ACACB: variants seen among roughly 807,000 people sequenced by gnomAD.
The protein encoded by ACACB is acetyl-CoA carboxylase beta, also known as acetyl-CoA carboxylase 2.
Under a neutral mutation model 278.8 loss-of-function variants are expected in ACACB, and 209 were observed. That is an observed-to-expected ratio of 0.75 (90% CI 0.67 to 0.84). ACACB has a LOEUF of 0.84. ACACB is among the 40% of genes least tolerant of loss of function. The probability of loss-of-function intolerance (pLI) is 0.00; values close to 1 mark genes in which losing one functional copy is unlikely to be tolerated. For missense variants in ACACB, 2,850 were observed against 3,269.0 expected, an observed-to-expected ratio of 0.87 and a Z score of 3.13; for synonymous variants, 1,174 against 1,285.6, an observed-to-expected ratio of 0.91 and a Z score of 1.86.
At chr12:109,116,228 C>T (rs1056388064), upstream of ACACB, among the ~76,000 whole-genome samples, 5 of 152,196 alleles carry the variant, frequency 3.3e-5, no homozygotes, top group Non-Finnish European at 5.9e-5. Context: ...TGATAGCGAT[C>T]ACCTTCCCAT....
In ACACB at chr12:109,265,526, G is replaced by A. The variant is rs149236953; in HGVS notation, c.7250+1G>A. 1.2e-6 allele frequency: 2 copies of A among 1,613,110 alleles called. No homozygotes were observed. The highest frequency in any genetic ancestry group is 1.7e-6 in the Non-Finnish European group (2 of 1,179,700). On this transcript the variant is annotated splice_donor_variant, in intron 52 of 52. Transcript: ENST00000338432. LOFTEE classifies it high-confidence loss of function. ...ACTCTGTCCTCAAGACCATCCGAGGGTGAGTGGCCACCGCACCTGCTTCCC... is the reference window on the plus strand; with the variant it reads ...ACTCTGTCCTCAAGACCATCCGAGGATGAGTGGCCACCGCACCTGCTTCCC...
Position 109,233,995 on chromosome 12 carries a change from C to T in ACACB, c.4297C>T (p.Leu1433=). 2 of 1,614,112 alleles carry T rather than the reference C, an allele frequency of 1.2e-6. No individual in the cohort carries two copies. Among genetic ancestry groups the T allele is most frequent in the Non-Finnish European group, 1.7e-6 (2 of 1,180,008 alleles). The change falls in exon 31 of 53, where the codon CTG becomes TTG. Residue 1433 remains leucine (L), a synonymous_variant. Transcript: ENST00000338432. ...TGTGTCCATCCAGTGTGCAGACCAC[C>T]TGGAGGATGAGGCACTGGTGCCGAT... The part of the protein sequence containing the change: ...LNVSIQCADH[L]EDEALVPILR...
intron 47 of ACACB, 55 bp downstream of exon 47, chr12:109,259,163 A>G: frequency 6.3e-7 from 1 of 1,591,276 alleles, no homozygotes; most frequent in Non-Finnish European, 8.6e-7. Context: ...CACCCAGGAC[A>G]GCACCCTCTG....
At chr12:109,254,398 GGAGCAC>G in intron 44 of ACACB, 64 bp downstream of exon 44, 1 of 1,492,024 alleles carries the variant, frequency 6.7e-7, no homozygotes, top group Non-Finnish European at 8.9e-7. Context: ...TTGAGACAAA[GGAGCAC>G]TTTGTCTCAA....
chr12:109,130,193 C>CA lies in ACACB; in HGVS notation c.-9-9202dup, dbSNP rs1411052876. Reference sequence around the variant, plus strand: ...GCTGATGGCTCAGATGTGTACAGCCCAACTGCATCCAGCACTGCACTCAGT... The same window carrying CA: ...GCTGATGGCTCAGATGTGTACAGCCCAAACTGCATCCAGCACTGCACTCAGT... On this transcript the variant is annotated intron_variant, in intron 1 of 52. Transcript: ENST00000338432. Among the ~76,000 whole-genome samples the CA allele has an allele frequency of 4.6e-5, 7 of 152,222 alleles. No individual in the cohort carries two copies. The South Asian group carries it at 8.3e-4, about 18-fold the overall frequency.
At chr12:109,194,510 GCA>G (rs1491209958) in intron 16 of ACACB, among the ~76,000 whole-genome samples, 16,370 of 110,844 alleles carry the variant, frequency 0.15, 1,282 homozygotes, top group Middle Eastern at 0.2. Context: ...CTCTGTGTGT[GCA>G]TGTGTGTGTG....
upstream of ACACB, among the ~76,000 whole-genome samples, chr12:109,114,813 C>CT (rs561825815): frequency 8.5e-5 from 13 of 152,136 alleles, no homozygotes; most frequent in East Asian, 7.7e-4. Context: ...GATCATGCCA[C>CT]TGCACTCCAT....
At chr12:109,240,013 C>T (rs377320174) in intron 35 of ACACB, 28 bp downstream of exon 35, 76 of 1,606,358 alleles carry the variant, frequency 4.7e-5, no homozygotes, top group Non-Finnish European at 5.7e-5. Flanking sequence ...GGGCTCTCAC[C>T]GGGCTCTGGG....
In ACACB at chr12:109,180,570, T is replaced by A. The variant is rs377749129; in HGVS notation, c.1818+483T>A. On this transcript the variant is annotated intron_variant, in intron 11 of 52. Transcript: ENST00000338432. ...TGGGTTAAAGGGAACTCTAAATTTT[T>A]TTTTTATTTTTAATTTTGATGGGTA... 1.5e-3 allele frequency among the ~76,000 whole-genome samples: 230 copies of A among 152,302 alleles called. 1 individual carries two copies. The highest frequency in any genetic ancestry group is 3.9e-3 in the South Asian group (19 of 4,834).
intron 19 of ACACB, among the ~76,000 whole-genome samples, 168 bp downstream of exon 19, chr12:109,201,869 C>T (rs748912845): frequency 5.3e-5 from 8 of 152,140 alleles, no homozygotes; most frequent in South Asian, 4.2e-4. Context: ...ACAAGGAAGC[C>T]GCGCCCTGCT....
intron 28 of ACACB, among the ~76,000 whole-genome samples, chr12:109,231,570 G>C (rs991364296): frequency 6.6e-6 from 1 of 152,116 alleles, no homozygotes; most frequent in African/African-American, 2.4e-5. Context: ...ACCTGTGTCA[G>C]GGTCCCCAAA....
rs113442685 is a variant in ACACB, at chr12:109,198,822, C to T, written c.2628-580C>T. Among the ~76,000 whole-genome samples the T allele has an allele frequency of 6.7e-3, 1,010 of 151,804 alleles. 14 individuals are homozygous for T. The highest frequency in any genetic ancestry group is 0.023 in the African/African-American group (937 of 41,358). ...TTTATTTTTTGTAGAGGCAGGGTCTCACTGTGTTGCCCAAGCTTGTCTTGA... is the reference window on the plus strand; with the variant it reads ...TTTATTTTTTGTAGAGGCAGGGTCTTACTGTGTTGCCCAAGCTTGTCTTGA... On this transcript the variant is annotated intron_variant, in intron 17 of 52. Transcript: ENST00000338432.
intron 11 of ACACB, among the ~76,000 whole-genome samples, chr12:109,183,606 T>G (rs908351444): frequency 6.6e-6 from 1 of 152,178 alleles, no homozygotes; most frequent in Non-Finnish European, 1.5e-5. Context: ...CATATAGAAA[T>G]GCTACTGATT....
intron 11 of ACACB, among the ~76,000 whole-genome samples, 177 bp downstream of exon 11, chr12:109,180,264 A>T (rs1281922117): frequency 6.6e-6 from 1 of 152,242 alleles, no homozygotes; most frequent in African/African-American, 2.4e-5. Context: ...AATATCTTTT[A>T]TACAATTTCA....
At chr12:109,210,002 T>C (rs2045665857) in intron 21 of ACACB, among the ~76,000 whole-genome samples, 1 of 120,048 alleles carries the variant, frequency 8.3e-6, no homozygotes, top group East Asian at 2.6e-4. Flanking sequence ...TATATGTGTA[T>C]ATGTGTATAT....
chr12:109,225,565 C>A (rs2046290187), intron 27 of ACACB, among the ~76,000 whole-genome samples: 1 of 152,198 alleles, frequency 6.6e-6, no homozygotes, highest in Admixed American at 6.5e-5. Context: ...GGAACCTTCC[C>A]CAAATTCAAG....
Position 109,260,573 on chromosome 12 carries a change from C to T in ACACB, c.6590C>T (p.Ala2197Val), listed in dbSNP as rs143111072. The change falls in exon 48 of 53, where the codon GCG becomes GTG. Residue 2197 changes from alanine to valine, a missense_variant. By Grantham distance (64) the Ala-to-Val change is moderately conservative. Transcript: ENST00000338432. The part of the protein sequence containing the change: ...QPILIYIPPY[A>V]ELRGGSWVVI... ...ATCCTGATCTATATCCCGCCCTATG[C>T]GGAGCTCCGGGGAGGCTCCTGGGTG... The T allele has an allele frequency of 1.6e-5, 26 of 1,613,706 alleles. No individual in the cohort carries two copies. The highest frequency in any genetic ancestry group is 6.7e-5 in the African/African-American group (5 of 74,914).
At chr12:109,180,409 G>A (rs2044426342) in intron 11 of ACACB, among the ~76,000 whole-genome samples, 1 of 152,028 alleles carries the variant, frequency 6.6e-6, no homozygotes, top group African/African-American at 2.4e-5. Flanking sequence ...CCACATACCT[G>A]TTTGGATATT....
intron 11 of ACACB, among the ~76,000 whole-genome samples, chr12:109,184,452 T>A (rs559384884): frequency 2.6e-5 from 4 of 152,332 alleles, no homozygotes; most frequent in African/African-American, 9.6e-5. Flanking sequence ...AGCATTCCGG[T>A]CCAATGCCCT....
Sources: gnomAD v4.1 joint callset for allele counts (sites outside exome capture counted in the v4.1 genomes callset) on GRCh38, gnomAD v4.1.1 for gene constraint, MANE v1.5 for transcripts, NCBI Gene and HGNC (gene_info 2026-07-23, HGNC 2026-07-21) for gene names.